Variants in CNTN4 observed in about 807,000 individuals in gnomAD.
The protein encoded by CNTN4 is contactin 4.
CNTN4 carries 77 observed loss-of-function variants against 122.5 expected under a neutral mutation model. The observed-to-expected ratio is 0.63, with a 90% CI of 0.52 to 0.76. The LOEUF (loss-of-function observed/expected upper bound fraction) is 0.76, where lower values mean the gene tolerates loss of function less well. Among genes scored for constraint, CNTN4 ranks in the 30% least tolerant of loss-of-function variants. CNTN4 has a pLI of 0.00. For missense variants in CNTN4, 1,256 were observed against 1,259.1 expected (o/e 1.00, Z 0.04); for synonymous variants, 512 against 447.0 (o/e 1.15, Z -1.83).
chr3:2,558,519 G>A (rs2078816541), intron 3 of CNTN4, among the ~76,000 whole-genome samples: 2 of 151,870 alleles, frequency 1.3e-5, no homozygotes, highest in African/African-American at 4.8e-5. Flanking sequence ...AAATACCATA[G>A]AAGAGTATTA....
At chr3:2,796,116 T>C (rs1474512108) in intron 6 of CNTN4, among the ~76,000 whole-genome samples, 1 of 152,158 alleles carries the variant, frequency 6.6e-6, no homozygotes, top group Non-Finnish European at 1.5e-5. Context: ...GTTGCTTTCT[T>C]TTAAATTAAA....
At chr3:2,680,503 G>A (rs540287012) in intron 4 of CNTN4, among the ~76,000 whole-genome samples, 10 of 152,146 alleles carry the variant, frequency 6.6e-5, no homozygotes, top group Admixed American at 4.6e-4. Context: ...GGCAAAACAC[G>A]TTAGAAGACT....
chr3:3,049,819 G>A (rs560314078), intron 23 of CNTN4, among the ~76,000 whole-genome samples: 3 of 147,506 alleles, frequency 2.0e-5, no homozygotes, highest in South Asian at 4.7e-4. Flanking sequence ...AACATTGGAA[G>A]TGTTGGGACT....
At chr3:2,328,611 A>G (rs1291784797) in intron 2 of CNTN4, among the ~76,000 whole-genome samples, 2 of 152,058 alleles carry the variant, frequency 1.3e-5, no homozygotes, top group East Asian at 1.9e-4. Flanking sequence ...GGCCCTCCAT[A>G]TCCTTGGGTT....
At chr3:2,420,714 G>A (rs1374649276) in intron 3 of CNTN4, among the ~76,000 whole-genome samples, 2 of 152,096 alleles carry the variant, frequency 1.3e-5, no homozygotes, top group African/African-American at 4.8e-5. Flanking sequence ...TTGCAGCTGT[G>A]GGCCACCGCG....
At chr3:2,667,648 A>G (rs918696616) in intron 4 of CNTN4, among the ~76,000 whole-genome samples, 6 of 141,684 alleles carry the variant, frequency 4.2e-5, no homozygotes, top group Non-Finnish European at 9.1e-5. Context: ...TTGGTGTTTT[A>G]GACATGAAGT....
chr3:2,770,685 G>C (rs2091059653), intron 6 of CNTN4, among the ~76,000 whole-genome samples: 1 of 152,244 alleles, frequency 6.6e-6, no homozygotes, highest in Non-Finnish European at 1.5e-5. Flanking sequence ...GGACCAGGCT[G>C]AGCAAAGGAA....
chr3:2,213,653 G>A (rs1021636673), intron 2 of CNTN4, among the ~76,000 whole-genome samples: 1 of 152,090 alleles, frequency 6.6e-6, no homozygotes, highest in South Asian at 2.1e-4. Context: ...TGCACTCCAG[G>A]CTCCCATTGG....
chr3:2,673,973 A>T (rs1023755758), intron 4 of CNTN4, among the ~76,000 whole-genome samples: 2 of 152,192 alleles, frequency 1.3e-5, no homozygotes, highest in African/African-American at 4.8e-5. Flanking sequence ...GACAGAGGCA[A>T]CCCAGCAGAC....
intron 3 of CNTN4, among the ~76,000 whole-genome samples, chr3:2,379,687 T>A (rs1344665258): frequency 6.6e-6 from 1 of 152,206 alleles, no homozygotes; most frequent in African/African-American, 2.4e-5. Flanking sequence ...TTTCAGGCTA[T>A]TTGATCTTGG....
rs141935184 is a variant in CNTN4, at chr3:2,830,657, T to A, written c.454+11076T>A. ...GATCAACACTGAGCTTTCAACAACA[T>A]GAATCTGGCTGAGCGTTTCATAAAT... On this transcript the variant is annotated intron_variant, in intron 7 of 24. Coordinates refer to ENST00000418658, the MANE Select transcript of CNTN4 (RefSeq NM_175607.3). 2.7e-3 allele frequency among the ~76,000 whole-genome samples: 417 copies of A among 152,306 alleles called. 2 individuals are homozygous for A. The highest frequency in any genetic ancestry group is 9.4e-3 in the African/African-American group (392 of 41,574).
intron 12 of CNTN4, among the ~76,000 whole-genome samples, chr3:2,921,882 T>C (rs1167291341): frequency 2.0e-5 from 3 of 152,158 alleles, no homozygotes; most frequent in Admixed American, 6.5e-5. Flanking sequence ...ATGACCAAAA[T>C]TCATTTAACT....
intron 4 of CNTN4, among the ~76,000 whole-genome samples, chr3:2,698,880 A>C (rs1277840855): frequency 6.6e-6 from 1 of 152,124 alleles, no homozygotes; most frequent in African/African-American, 2.4e-5. Context: ...AAAATTAGCC[A>C]GGTGTGGTGG....
intron 2 of CNTN4, among the ~76,000 whole-genome samples, chr3:2,213,245 A>G (rs2038697834): frequency 6.6e-6 from 1 of 152,180 alleles, no homozygotes; most frequent in South Asian, 2.1e-4. Context: ...CTAACTTCAC[A>G]TAGCTGGTCT....
intron 6 of CNTN4, among the ~76,000 whole-genome samples, chr3:2,818,629 G>A (rs191172699): frequency 2.2e-4 from 34 of 152,220 alleles, no homozygotes; most frequent in African/African-American, 6.5e-4. Context: ...AGAAAAAAAC[G>A]TTTCTTGAAC....
chr3:2,825,670 C>T (rs1389131418), intron 7 of CNTN4, among the ~76,000 whole-genome samples: 1 of 152,152 alleles, frequency 6.6e-6, no homozygotes, highest in Admixed American at 6.5e-5. Context: ...GACTGGGCAA[C>T]AGAGTGAGAT....
Position 3,029,803 on chromosome 3 carries a change from G to A in CNTN4, c.1663-1052G>A, listed in dbSNP as rs748365806. Among the ~76,000 whole-genome samples, 3 of 152,110 alleles carry A rather than the reference G, an allele frequency of 2.0e-5. No individual in the cohort carries two copies. The East Asian group carries it at 5.8e-4, about 29-fold the overall frequency. ...GGATAACAAGAATACCTGCCTCAGA[G>A]GACATGTGAGTATTTAGTGAGTTTA... is the stretch of plus-strand genomic sequence containing the variant. On this transcript the variant is annotated intron_variant, in intron 15 of 24. Coordinates refer to ENST00000418658, the MANE Select transcript of CNTN4 (RefSeq NM_175607.3).
chr3:2,834,800 A>G, intron 7 of CNTN4, among the ~76,000 whole-genome samples: 1 of 152,088 alleles, frequency 6.6e-6, no homozygotes, highest in Non-Finnish European at 1.5e-5. Flanking sequence ...GACTACCAAC[A>G]AAACAGATTT....
chr3:2,457,741 A>C (rs1014829320), intron 3 of CNTN4, among the ~76,000 whole-genome samples: 3 of 152,024 alleles, frequency 2.0e-5, no homozygotes, highest in African/African-American at 7.2e-5. Flanking sequence ...GATTTTCTCA[A>C]CCTAAATGCA....
Sources: gnomAD v4.1 joint callset for allele counts (sites outside exome capture counted in the v4.1 genomes callset) on GRCh38, gnomAD v4.1.1 for gene constraint, MANE v1.5 for transcripts, NCBI Gene and HGNC (gene_info 2026-07-23, HGNC 2026-07-21) for gene names.